Variants in CDH13 observed in about 807,000 individuals in gnomAD.
CDH13 encodes cadherin-13.
CDH13 carries 24 observed loss-of-function variants against 63.8 expected under a neutral mutation model. The ratio of observed to expected loss-of-function variants is 0.38; its 90% confidence interval spans 0.27 to 0.53. The LOEUF is 0.53. Ranked by LOEUF, CDH13 falls within the 20% of genes least tolerant of loss-of-function variation. The pLI, the probability that CDH13 is intolerant of heterozygous loss-of-function variation, is 0.85. For synonymous variants in CDH13, 503 were observed against 355.3 expected (o/e 1.42, Z -4.67); for missense variants, 1,049 against 903.1 (o/e 1.16, Z -2.07).
At chr16:83,109,201 C>T (rs1311332128) in intron 3 of CDH13, among the ~76,000 whole-genome samples, 3 of 152,112 alleles carry the variant, frequency 2.0e-5, no homozygotes, top group African/African-American at 7.2e-5. Flanking sequence ...AGGATCATAG[C>T]AGGGAATGTG....
chr16:83,211,316 T>C (rs957942898), intron 4 of CDH13, among the ~76,000 whole-genome samples: 3 of 152,288 alleles, frequency 2.0e-5, no homozygotes, highest in Admixed American at 2.0e-4. Context: ...ACATGGGAAC[T>C]CTGTAGTATC....
chr16:83,729,415 G>A (rs1249169873), intron 10 of CDH13, among the ~76,000 whole-genome samples: 1 of 152,190 alleles, frequency 6.6e-6, no homozygotes, highest in South Asian at 2.1e-4. Context: ...AATTTTATTT[G>A]CAAAACAAAT....
chr16:83,144,900 G>A (rs750509596), intron 4 of CDH13, among the ~76,000 whole-genome samples: 2 of 152,184 alleles, frequency 1.3e-5, no homozygotes, highest in Non-Finnish European at 2.9e-5. Context: ...TCCCTGGGCT[G>A]CAGAGGGTAG....
intron 4 of CDH13, among the ~76,000 whole-genome samples, chr16:83,191,953 A>C (rs183393046): frequency 2.6e-5 from 4 of 152,278 alleles, no homozygotes; most frequent in Admixed American, 2.6e-4. Flanking sequence ...GTTGAGGCTC[A>C]GTATTAACCA....
chr16:83,198,871 T>C (rs1173900751), intron 4 of CDH13, among the ~76,000 whole-genome samples: 1 of 152,160 alleles, frequency 6.6e-6, no homozygotes, highest in Non-Finnish European at 1.5e-5. Context: ...TAAAATTAAA[T>C]AATGGGGTTT....
At chr16:83,657,333 G>A (rs1351040694) in intron 8 of CDH13, among the ~76,000 whole-genome samples, 1 of 152,144 alleles carries the variant, frequency 6.6e-6, no homozygotes, top group African/African-American at 2.4e-5. Flanking sequence ...GGTCAAACAA[G>A]GTGTCCCCCA....
intron 6 of CDH13, among the ~76,000 whole-genome samples, chr16:83,419,583 G>T (rs957195624): frequency 4.6e-5 from 7 of 152,114 alleles, no homozygotes; most frequent in Non-Finnish European, 1.0e-4. Flanking sequence ...CATTTATTGA[G>T]CCAATAATAT....
At chr16:82,885,421 T>C (rs2040849492) in intron 2 of CDH13, among the ~76,000 whole-genome samples, 1 of 150,476 alleles carries the variant, frequency 6.6e-6, no homozygotes, top group Non-Finnish European at 1.5e-5. Flanking sequence ...CACCCATCTA[T>C]ATACACCTCC....
chr16:83,301,024 G>GTTTTTTTTT (rs1567574870), intron 5 of CDH13, among the ~76,000 whole-genome samples: 1 of 53,992 alleles, frequency 1.9e-5, no homozygotes, highest in Non-Finnish European at 3.5e-5. Context: ...AACTTTCTGG[G>GTTTTTTTTT]GTTTTTTTTT....
At chr16:83,745,636 C>T (rs1439319188) in intron 10 of CDH13, among the ~76,000 whole-genome samples, 3 of 152,150 alleles carry the variant, frequency 2.0e-5, no homozygotes, top group Non-Finnish European at 4.4e-5. Context: ...CCCTGGCTCC[C>T]CTTCTCAACA....
chr16:83,785,396 G>A (rs555511500), intron 13 of CDH13, among the ~76,000 whole-genome samples: 1 of 152,148 alleles, frequency 6.6e-6, no homozygotes, highest in Non-Finnish European at 1.5e-5. Context: ...CATCCATGAG[G>A]ACACTGACTT....
chr16:83,702,170 G>A (rs3826118), intron 10 of CDH13, among the ~76,000 whole-genome samples: 48,633 of 151,994 alleles, frequency 0.32, 8,297 homozygotes, highest in African/African-American at 0.45. Flanking sequence ...AAAATCTGAC[G>A]TATTCCAGAG....
intron 4 of CDH13, among the ~76,000 whole-genome samples, chr16:83,211,673 G>A (rs2039340435): frequency 1.3e-5 from 2 of 152,054 alleles, no homozygotes; most frequent in Admixed American, 1.3e-4. Context: ...TCAAATCAAG[G>A]AGTCACTACC....
At chr16:83,153,510 A>G (rs2037079063) in intron 4 of CDH13, among the ~76,000 whole-genome samples, 2 of 152,188 alleles carry the variant, frequency 1.3e-5, no homozygotes, top group East Asian at 3.8e-4. Context: ...GTTTCGGGAA[A>G]GGGCTGTTAT....
intron 1 of CDH13, among the ~76,000 whole-genome samples, chr16:82,669,801 T>TTGGTAGGCTTGTGAAGAC (rs1448573504): frequency 6.6e-6 from 1 of 152,124 alleles, no homozygotes; most frequent in Non-Finnish European, 1.5e-5. Flanking sequence ...CCCAGCCGGG[T>TTGGTAGGCTTGTGAAGAC]TGGTAGGCTT....
At chr16:83,188,031 C>T (rs1285871494) in intron 4 of CDH13, among the ~76,000 whole-genome samples, 1 of 152,156 alleles carries the variant, frequency 6.6e-6, no homozygotes, top group African/African-American at 2.4e-5. Context: ...GCTGGTATGG[C>T]TGAAGCAGAG....
chr16:82,700,828 T>C (rs557840867), intron 1 of CDH13, among the ~76,000 whole-genome samples: 68 of 152,174 alleles, frequency 4.5e-4, no homozygotes, highest in African/African-American at 1.6e-3. Context: ...GTGTTTTCTA[T>C]ATAGCCGCTA....
At chr16:82,860,798 T>C (rs1486914985) in intron 2 of CDH13, among the ~76,000 whole-genome samples, 2 of 152,154 alleles carry the variant, frequency 1.3e-5, no homozygotes, top group Non-Finnish European at 1.5e-5. Flanking sequence ...TTGAAAATAG[T>C]TTAGGAAACT....
chr16:83,179,987 A>G (rs573236502), intron 4 of CDH13, among the ~76,000 whole-genome samples: 17 of 152,114 alleles, frequency 1.1e-4, no homozygotes, highest in Admixed American at 2.0e-4. Flanking sequence ...TTTAATCCAT[A>G]TATTTTCTGT....
Sources: gnomAD v4.1 joint callset for allele counts (sites outside exome capture counted in the v4.1 genomes callset) on GRCh38, gnomAD v4.1.1 for gene constraint, MANE v1.5 for transcripts, NCBI Gene and HGNC (gene_info 2026-07-23, HGNC 2026-07-21) for gene names.